The following ATP8A2 variants were observed in gnomAD, a reference collection of about 807,000 sequenced individuals.
The protein encoded by ATP8A2 is ATPase phospholipid transporting 8A2, also known as phospholipid-transporting ATPase IB.
ATP8A2 carries 100 observed loss-of-function variants against 165.6 expected under a neutral mutation model. The ratio of observed to expected loss-of-function variants is 0.60; its 90% CI spans 0.51 to 0.71. The LOEUF is 0.71. ATP8A2 is among the 30% of genes least tolerant of loss of function. ATP8A2 has a pLI of 0.00. For missense variants in ATP8A2, 1,227 were observed against 1,479.5 expected (o/e 0.83, Z 2.80); for synonymous variants, 543 against 548.8 (o/e 0.99, Z 0.15).
At chr13:25,653,250 A>G (rs1435679782) in intron 24 of ATP8A2, among the ~76,000 whole-genome samples, 1 of 152,198 alleles carries the variant, frequency 6.6e-6, no homozygotes, top group African/African-American at 2.4e-5. Context: ...GTACATATAC[A>G]CCATGGGATA....
At chr13:25,709,412 C>T (rs2043116191) in intron 25 of ATP8A2, among the ~76,000 whole-genome samples, 1 of 152,152 alleles carries the variant, frequency 6.6e-6, no homozygotes. Context: ...GATATTAGAG[C>T]TTGAGAAATT....
rs951363814 is a variant in ATP8A2 at position 26,024,828 on chromosome 13, C to A, written c.*4843C>A. 6.6e-6 allele frequency: 1 copy of A among 152,088 alleles called. No homozygotes were observed. The highest frequency in any genetic ancestry group is 2.4e-5 in the African/African-American group (1 of 41,414). The allele number at this position is 152,088 out of a possible 1,614,324, so 9.4% of individuals were successfully genotyped here. A position where few individuals can be genotyped will look rare whatever the true frequency, so the allele number is the denominator to read the frequency against. On this transcript the variant is annotated 3_prime_UTR_variant, in exon 37 of 37. Coordinates refer to ENST00000381655, the MANE Select transcript of ATP8A2 (RefSeq NM_016529.6). ...AAGGAGACCTGTTTGTTTTAAAAGTCGGGCGCAAAGTGTCAGGTGGCTTTG... is the reference window on the plus strand; with the variant it reads ...AAGGAGACCTGTTTGTTTTAAAAGTAGGGCGCAAAGTGTCAGGTGGCTTTG...
chr13:25,954,554 C>A (rs1293321036), intron 33 of ATP8A2, among the ~76,000 whole-genome samples: 1 of 152,198 alleles, frequency 6.6e-6, no homozygotes, highest in African/African-American at 2.4e-5. Context: ...CCCTATGCCT[C>A]CTGACTGGGA....
intron 25 of ATP8A2, among the ~76,000 whole-genome samples, chr13:25,703,816 A>T (rs913608973): frequency 2.0e-5 from 3 of 152,190 alleles, no homozygotes; most frequent in African/African-American, 7.2e-5. Flanking sequence ...CTCAGTGGGC[A>T]TGGGATTTCC....
chr13:25,492,820 G>C (rs2036567229), intron 2 of ATP8A2, among the ~76,000 whole-genome samples: 2 of 152,182 alleles, frequency 1.3e-5, no homozygotes, highest in Non-Finnish European at 2.9e-5. Context: ...CTGCTGTTTG[G>C]AGTGTCTGAG....
At chr13:25,998,218 G>A (rs1956556343) in intron 35 of ATP8A2, among the ~76,000 whole-genome samples, 2 of 152,170 alleles carry the variant, frequency 1.3e-5, no homozygotes, top group South Asian at 4.1e-4. Flanking sequence ...ACATTTCACT[G>A]GGTTGGGGAT....
At chr13:25,982,639 A>G (rs1435189324) in intron 35 of ATP8A2, among the ~76,000 whole-genome samples, 5 of 152,332 alleles carry the variant, frequency 3.3e-5, no homozygotes, top group South Asian at 2.1e-4. Context: ...TGTGATTGCA[A>G]TGCAGCCAGC....
At chr13:25,578,922 GT>G in intron 21 of ATP8A2, 23 bp downstream of exon 21, 8 of 1,495,342 alleles carry the variant, frequency 5.3e-6, no homozygotes, top group South Asian at 1.1e-5. Context: ...TGGAAATGCT[GT>G]TTTTGGCCAT....
chr13:25,776,173 C>T (rs1368441595), intron 27 of ATP8A2, among the ~76,000 whole-genome samples: 1 of 152,224 alleles, frequency 6.6e-6, no homozygotes, highest in East Asian at 1.9e-4. Flanking sequence ...TGCACAAGGG[C>T]CAGCCTATTC....
At chr13:25,425,264 A>T (rs909948159) in intron 1 of ATP8A2, among the ~76,000 whole-genome samples, 1 of 151,992 alleles carries the variant, frequency 6.6e-6, no homozygotes, top group African/African-American at 2.4e-5. Context: ...TTTGCTTTTT[A>T]CAGTGCCTCC....
intron 35 of ATP8A2, among the ~76,000 whole-genome samples, chr13:25,977,366 T>TGACAAATACTC (rs1956074721): frequency 6.6e-6 from 1 of 152,114 alleles, no homozygotes; most frequent in African/African-American, 2.4e-5. Flanking sequence ...CTCGCCTTGC[T>TGACAAATACTC]GACAAATACT....
At chr13:25,932,444 T>TG (rs552364512) in intron 33 of ATP8A2, among the ~76,000 whole-genome samples, 159 of 152,314 alleles carry the variant, frequency 1.0e-3, no homozygotes, top group Admixed American at 2.6e-3. Context: ...AATTTCCCTC[T>TG]GGGGTGGCTC....
At chr13:25,389,395 C>A (rs559588500) in intron 1 of ATP8A2, among the ~76,000 whole-genome samples, 1 of 152,272 alleles carries the variant, frequency 6.6e-6, no homozygotes, top group East Asian at 1.9e-4. Flanking sequence ...GCAGCATCAG[C>A]ACTGGCACAG....
intron 30 of ATP8A2, among the ~76,000 whole-genome samples, chr13:25,847,327 C>G (rs1462622390): frequency 6.6e-6 from 1 of 152,142 alleles, no homozygotes; most frequent in East Asian, 1.9e-4. Context: ...ATTTTTGTTT[C>G]TGTTTTGTTT....
intron 24 of ATP8A2, among the ~76,000 whole-genome samples, chr13:25,617,714 A>T (rs145718618): frequency 6.6e-6 from 1 of 152,254 alleles, no homozygotes; most frequent in African/African-American, 2.4e-5. Context: ...TTACTGAATT[A>T]TGTAGATTTA....
At chr13:25,937,848 C>CAAAAAAAAAAAAAA (rs57258286) in intron 33 of ATP8A2, among the ~76,000 whole-genome samples, 16 of 83,552 alleles carry the variant, frequency 1.9e-4, no homozygotes, top group Middle Eastern at 9.6e-3. Context: ...GACTCCGTCT[C>CAAAAAAAAAAAAAA]AAAAAAAAAA....
At chr13:25,851,457 C>T (rs1952006524) in intron 30 of ATP8A2, among the ~76,000 whole-genome samples, 1 of 152,026 alleles carries the variant, frequency 6.6e-6, no homozygotes, top group South Asian at 2.1e-4. Context: ...GTGGTGGGCA[C>T]CTGTAATCCC....
Position 25,769,035 on chromosome 13 carries a change from T to C in ATP8A2, c.2385-11T>C, listed in dbSNP as rs1166889514. 1.2e-6 allele frequency: 2 copies of C among 1,613,710 alleles called. No individual in the cohort carries two copies. The highest frequency in any genetic ancestry group is 3.3e-5 in the Admixed American group (2 of 60,016). On this transcript the variant is annotated splice_polypyrimidine_tract_variant and intron_variant, in intron 25 of 36. Transcript: ENST00000381655. ...CATGCATAGCTCTGATTTCCCTCTC[T>C]TTTCTCACAGAGTGTCTCCTCTGCA... is the stretch of plus-strand genomic sequence containing the variant.
At chr13:25,770,041 C>T (rs34657489) in intron 26 of ATP8A2, among the ~76,000 whole-genome samples, 1 of 152,076 alleles carries the variant, frequency 6.6e-6, no homozygotes, top group East Asian at 1.9e-4. Flanking sequence ...TGGAAGAGAT[C>T]TAACTTAACC....
Sources: allele counts gnomAD v4.1 joint callset (sites outside exome capture counted in the v4.1 genomes callset), GRCh38; gene constraint gnomAD v4.1.1; transcripts MANE v1.5; gene names NCBI Gene and HGNC (gene_info 2026-07-23, HGNC 2026-07-21).